EXTL2: variants seen among roughly 807,000 people sequenced by gnomAD.
EXTL2 encodes the protein exostosin-like 2.
EXTL2 carries 23 observed loss-of-function variants against 30.7 expected under a neutral mutation model. The ratio of observed to expected loss-of-function variants is 0.75; its 90% confidence interval spans 0.54 to 1.06. The LOEUF (loss-of-function observed/expected upper bound fraction) is 1.06, where lower values mean the gene tolerates loss of function less well. EXTL2 is among the 50% of genes least tolerant of loss of function. The pLI is 0.00. For synonymous variants in EXTL2, 123 were observed against 133.8 expected (o/e 0.92, Z 0.56); for missense variants, 352 against 396.3 (o/e 0.89, Z 0.95).
In EXTL2 at chr1:100,891,643, T is replaced by C. The variant is rs115678052; in HGVS notation, c.-71-2815A>G. Among the ~76,000 whole-genome samples, 253 of 152,288 alleles carry C rather than the reference T, an allele frequency of 1.7e-3. 5 individuals carry two copies. Among genetic ancestry groups the C allele is most frequent in the African/African-American group, 5.9e-3 (245 of 41,554 alleles). On this transcript the variant is annotated intron_variant, in intron 1 of 4. Coordinates refer to ENST00000370114, the MANE Select transcript of EXTL2 (RefSeq NM_001033025.3). ...AGGTCCAGGTGGGGCCATCCAGTTA[T>C]CAGAAATGCAAAAACCTGAAAAGAC...
At chr1:100,875,230 G>GACACACACACACAC (rs10547668) in intron 4 of EXTL2, among the ~76,000 whole-genome samples, 185 of 149,416 alleles carry the variant, frequency 1.2e-3, no homozygotes, top group Middle Eastern at 3.4e-3. Flanking sequence ...CAGAACTAGG[G>GACACACACACACAC]ACACACACAC....
At chr1:100,881,989 G>A (rs766389359) in intron 2 of EXTL2, among the ~76,000 whole-genome samples, 3 of 152,152 alleles carry the variant, frequency 2.0e-5, no homozygotes, top group Admixed American at 6.5e-5. Context: ...TCTCACAAGC[G>A]TGCAAACCCT....
chr1:100,884,790 C>T (rs74456877), intron 2 of EXTL2, among the ~76,000 whole-genome samples: 1 of 152,124 alleles, frequency 6.6e-6, no homozygotes, highest in Admixed American at 6.5e-5. Flanking sequence ...TGTTTCTAGT[C>T]CTTGTTTTCA....
intron 2 of EXTL2, among the ~76,000 whole-genome samples, chr1:100,885,336 G>A (rs552805866): frequency 1.3e-5 from 2 of 152,144 alleles, no homozygotes; most frequent in East Asian, 3.8e-4. Flanking sequence ...TCATTTGATG[G>A]ATAATATCAT....
intron 1 of EXTL2, among the ~76,000 whole-genome samples, chr1:100,890,013 A>C (rs1316436543): frequency 6.6e-6 from 1 of 152,110 alleles, no homozygotes; most frequent in African/African-American, 2.4e-5. Flanking sequence ...GGGGACTCCA[A>C]CCCCACTTCT....
At chr1:100,874,542 T>C in intron 4 of EXTL2, 112 bp from the exon 5 acceptor site, 2 of 881,640 alleles carry the variant, frequency 2.3e-6, no homozygotes, top group Non-Finnish European at 3.5e-6. Context: ...AACTCTTCCT[T>C]ATTCCTGGTT....
rs755733519 is a variant in EXTL2, at chr1:100,877,886, T to C, written c.23A>G (p.Lys8Arg). The C allele has an allele frequency of 1.3e-6, 2 of 1,597,444 alleles. No individual in the cohort carries two copies. Among genetic ancestry groups the C allele is most frequent in the East Asian group, 2.2e-5 (1 of 44,836 alleles). MRCCHIC[K>R]LPGRVMGIRV... ...AATCCCCATTACTCTCCCAGGAAGT[T>C]TGCAGATGTGGCAACACCTGGAGTA... The change falls in exon 3 of 5, where the codon AAA becomes AGA. Residue 8 changes from lysine to arginine, a missense_variant. Coordinates refer to ENST00000370114, the MANE Select transcript of EXTL2 (RefSeq NM_001033025.3). The surrounding 1 kb of genome is among the most constrained non-coding windows in gnomAD (Gnocchi z 4.1).
intron 2 of EXTL2, chr1:100,885,869 T>G (rs1170678636): frequency 6.6e-6 from 1 of 152,276 alleles, no homozygotes; most frequent in Non-Finnish European, 1.5e-5. Context: ...AGCTCTTCTA[T>G]TCTTACGAGG....
chr1:100,874,139 G>C lies in EXTL2; in HGVS notation c.796C>G (p.Pro266Ala). ...IGKTSGIFVK[P>A]VNMDNLEKET... ...TTTTCCAAATTGTCCATGTTTACAG[G>C]CTTCACAAATATCCCTGAAGTCTTG... The change falls in exon 5 of 5, where the codon CCT becomes GCT. Residue 266 changes from proline to alanine, a missense_variant. Coordinates refer to ENST00000370114, the MANE Select transcript of EXTL2 (RefSeq NM_001033025.3). The C allele has an allele frequency of 6.2e-7, 1 of 1,612,916 alleles. No homozygotes were observed. The highest frequency in any genetic ancestry group is 8.5e-7 in the Non-Finnish European group (1 of 1,179,442).
chr1:100,886,627 T>G (rs1432534984), intron 2 of EXTL2, among the ~76,000 whole-genome samples: 3 of 152,234 alleles, frequency 2.0e-5, no homozygotes, highest in Non-Finnish European at 4.4e-5. Flanking sequence ...CAGGCAGCTA[T>G]TATCAATTAA....
At chr1:100,879,909 A>G (rs533909517) in intron 2 of EXTL2, among the ~76,000 whole-genome samples, 1 of 152,296 alleles carries the variant, frequency 6.6e-6, no homozygotes, top group East Asian at 1.9e-4. Flanking sequence ...ACTGTAGTCT[A>G]AATTTAGTTT....
intron 2 of EXTL2, among the ~76,000 whole-genome samples, chr1:100,887,922 A>C (rs980544336): frequency 3.3e-5 from 5 of 152,100 alleles, no homozygotes; most frequent in African/African-American, 1.2e-4. Flanking sequence ...GATGGTCTCG[A>C]TCTCCTGACC....
At chr1:100,879,750 C>T (rs771378742) in intron 2 of EXTL2, among the ~76,000 whole-genome samples, 25 of 152,206 alleles carry the variant, frequency 1.6e-4, no homozygotes, top group Non-Finnish European at 3.1e-4. Flanking sequence ...AACACTGCCT[C>T]TGTACATTTT....
intron 2 of EXTL2, among the ~76,000 whole-genome samples, chr1:100,886,381 C>A (rs116740049): frequency 6.6e-6 from 1 of 152,206 alleles, no homozygotes; most frequent in Non-Finnish European, 1.5e-5. Flanking sequence ...TTAAACATCA[C>A]GTCTTCCATC....
intron 2 of EXTL2, among the ~76,000 whole-genome samples, chr1:100,882,129 C>A (rs569419865): frequency 4.4e-4 from 67 of 152,324 alleles, no homozygotes; most frequent in African/African-American, 1.6e-3. Context: ...AAATTGTCTT[C>A]CACAAAACAG....
At chr1:100,893,703 C>G (rs569017468) in intron 1 of EXTL2, among the ~76,000 whole-genome samples, 9 of 152,338 alleles carry the variant, frequency 5.9e-5, no homozygotes, top group Admixed American at 2.6e-4. Flanking sequence ...TGACGTTTTT[C>G]ACTCATAGAA....
intron 2 of EXTL2, among the ~76,000 whole-genome samples, chr1:100,887,727 C>T (rs1650075523): frequency 6.6e-6 from 1 of 151,344 alleles, no homozygotes; most frequent in Non-Finnish European, 1.5e-5. Context: ...TTTTTTGAGA[C>T]AGAGTCTCAC....
intron 2 of EXTL2, among the ~76,000 whole-genome samples, chr1:100,880,083 G>A (rs1194924763): frequency 6.6e-6 from 1 of 152,106 alleles, no homozygotes; most frequent in Non-Finnish European, 1.5e-5. Flanking sequence ...TGTGGTGTGT[G>A]TTTTGTAATG....
intron 2 of EXTL2, among the ~76,000 whole-genome samples, chr1:100,880,444 G>A (rs1158386465): frequency 2.0e-5 from 3 of 151,940 alleles, no homozygotes; most frequent in African/African-American, 4.8e-5. Context: ...CTTCTATCAC[G>A]GCCTCACTCT....
Sources: allele counts gnomAD v4.1 joint callset (sites outside exome capture counted in the v4.1 genomes callset), GRCh38; gene constraint gnomAD v4.1.1; non-coding constraint Gnocchi (gnomAD v3.1); transcripts MANE v1.5; gene names NCBI Gene and HGNC (gene_info 2026-07-23, HGNC 2026-07-21).